The following RSPO3 variants were observed in gnomAD, a reference collection of about 807,000 sequenced individuals.
The protein encoded by RSPO3 is R-spondin 3.
RSPO3 carries 17 observed loss-of-function variants against 36.5 expected under a neutral mutation model. That is an observed-to-expected ratio of 0.47 (90% CI 0.32 to 0.70). RSPO3 has a LOEUF of 0.70. Among genes scored for constraint, RSPO3 ranks in the 30% least tolerant of loss-of-function variants. RSPO3 has a pLI of 0.04. For synonymous variants in RSPO3, 108 were observed against 107.0 expected, an observed-to-expected ratio of 1.01 and a Z score of -0.06; for missense variants, 294 against 322.5, an observed-to-expected ratio of 0.91 and a Z score of 0.68.
At position 127,147,972 on chromosome 6, in the gene RSPO3, T is replaced by A. The variant is rs533860583; in HGVS notation, c.98-676T>A. Among the ~76,000 whole-genome samples, 15 of 152,298 alleles carry A rather than the reference T, an allele frequency of 9.8e-5. 1 individual carries two copies. Among genetic ancestry groups the A allele is most frequent in the Admixed American group, 5.9e-4 (9 of 15,280 alleles). On this transcript the variant is annotated intron_variant, in intron 1 of 4. Transcript: ENST00000356698. ...TTTTCACCATTATATCTATTTGAAC[T>A]GGCAATTATTAAGCTCGTGTGAGAA...
chr6:127,120,159 G>A (rs1356899706), intron 1 of RSPO3, among the ~76,000 whole-genome samples: 1 of 152,198 alleles, frequency 6.6e-6, no homozygotes, highest in African/African-American at 2.4e-5. Flanking sequence ...GTCCTAGCTG[G>A]AATTAAGCGG....
intron 1 of RSPO3, among the ~76,000 whole-genome samples, chr6:127,131,826 G>T (rs964177856): frequency 7.2e-5 from 11 of 152,002 alleles, no homozygotes; most frequent in Non-Finnish European, 1.2e-4. Context: ...AATAAGTTTG[G>T]TGTGTCTCTT....
intron 4 of RSPO3, among the ~76,000 whole-genome samples, chr6:127,164,430 G>A (rs914845854): frequency 1.3e-5 from 2 of 152,084 alleles, no homozygotes; most frequent in African/African-American, 4.8e-5. Context: ...TTTAAGTGAG[G>A]AAGAGTAACC....
intron 1 of RSPO3, among the ~76,000 whole-genome samples, chr6:127,148,355 ATATAT>A (rs1248898172): frequency 1.3e-5 from 2 of 151,234 alleles, no homozygotes; most frequent in African/African-American, 4.8e-5. Flanking sequence ...ATTTAAAAAT[ATATAT>A]TATATGATAA....
At chr6:127,190,089 G>C (rs1453641639) in intron 4 of RSPO3, among the ~76,000 whole-genome samples, 1 of 152,008 alleles carries the variant, frequency 6.6e-6, no homozygotes, top group African/African-American at 2.4e-5. Flanking sequence ...TCATACTATA[G>C]CAATTCCTCT....
intron 4 of RSPO3, among the ~76,000 whole-genome samples, chr6:127,190,424 G>C (rs1020712922): frequency 2.0e-5 from 3 of 151,828 alleles, no homozygotes; most frequent in Non-Finnish European, 4.4e-5. Context: ...GCAAAACTCC[G>C]TCTCAAAAAC....
chr6:127,145,183 C>A (rs1251525758), intron 1 of RSPO3, among the ~76,000 whole-genome samples: 2 of 152,092 alleles, frequency 1.3e-5, no homozygotes, highest in African/African-American at 4.8e-5. Flanking sequence ...ACCTAGAAAC[C>A]CACCTTTTCA....
intron 4 of RSPO3, among the ~76,000 whole-genome samples, chr6:127,163,258 C>T (rs565257216): frequency 1.3e-5 from 2 of 152,254 alleles, no homozygotes; most frequent in South Asian, 4.1e-4. Context: ...TCCCATCTCC[C>T]TAATACAGTC....
chr6:127,191,892 C>T (rs1441407223), intron 4 of RSPO3, among the ~76,000 whole-genome samples: 2 of 152,204 alleles, frequency 1.3e-5, no homozygotes, highest in Non-Finnish European at 1.5e-5. Context: ...GCCCGTATAT[C>T]TTTCCAGCTT....
At chr6:127,132,336 A>T (rs1022169437) in intron 1 of RSPO3, among the ~76,000 whole-genome samples, 5 of 152,308 alleles carry the variant, frequency 3.3e-5, no homozygotes, top group African/African-American at 1.2e-4. Flanking sequence ...TAAAGGAAAA[A>T]GAATCAAGAG....
intron 2 of RSPO3, among the ~76,000 whole-genome samples, chr6:127,149,239 T>C (rs192413191): frequency 2.0e-4 from 30 of 152,236 alleles, no homozygotes; most frequent in African/African-American, 5.8e-4. Context: ...TATTTATCAA[T>C]TGGAAATAAA....
intron 1 of RSPO3, among the ~76,000 whole-genome samples, chr6:127,140,185 A>C (rs1388918664): frequency 6.6e-6 from 1 of 152,212 alleles, no homozygotes; most frequent in East Asian, 1.9e-4. Context: ...ACTCTAAGTT[A>C]TTTAGACTGT....
At chr6:127,138,478 C>G (rs1317854226) in intron 1 of RSPO3, among the ~76,000 whole-genome samples, 1 of 152,084 alleles carries the variant, frequency 6.6e-6, no homozygotes, top group Non-Finnish European at 1.5e-5. Context: ...ATCCTCTTTT[C>G]TAAGAGTTAT....
In RSPO3 at chr6:127,197,703, T is replaced by C; in HGVS notation, c.*1696T>C. ...CAGTTGTACAGTTCATGTAATCTAC[T>C]TGGCTTAATTGATTTTCCACTTCTC... On this transcript the variant is annotated 3_prime_UTR_variant, in exon 5 of 5. Transcript: ENST00000356698. 1.6e-6 allele frequency: 1 copy of C among 620,804 alleles called. No homozygotes were observed. Among genetic ancestry groups the C allele is most frequent in the Non-Finnish European group, 2.6e-6 (1 of 386,786 alleles). The allele number at this position is 620,804 out of a possible 1,614,324, so 38.5% of individuals were successfully genotyped here.
At chr6:127,136,118 C>T (rs1395105673) in intron 1 of RSPO3, among the ~76,000 whole-genome samples, 4 of 152,074 alleles carry the variant, frequency 2.6e-5, no homozygotes, top group Admixed American at 6.6e-5. Flanking sequence ...CTCCTGTAGC[C>T]ATTCTGTAAT....
At chr6:127,132,342 AAG>A (rs1774074739) in intron 1 of RSPO3, among the ~76,000 whole-genome samples, 1 of 152,172 alleles carries the variant, frequency 6.6e-6, no homozygotes, top group South Asian at 2.1e-4. Flanking sequence ...AAAAAGAATC[AAG>A]AGAGGAGTTA....
intron 1 of RSPO3, among the ~76,000 whole-genome samples, chr6:127,142,308 C>T (rs189429090): frequency 5.8e-4 from 89 of 152,296 alleles, no homozygotes; most frequent in Non-Finnish European, 7.3e-5. Context: ...AGCTTTAACA[C>T]ATGAACAAAT....
chr6:127,197,467 A>G lies in RSPO3; in HGVS notation c.*1460A>G. 7.7e-6 allele frequency: 12 copies of G among 1,550,536 alleles called. No individual in the cohort carries two copies. The highest frequency in any genetic ancestry group is 1.0e-5 in the Non-Finnish European group (12 of 1,146,956). ...TAGCTGAAGGCCTCACCAGTGTTTC[A>G]CAGAGGACACAGCCCACCCCTTGCA... On this transcript the variant is annotated 3_prime_UTR_variant, in exon 5 of 5. Coordinates refer to ENST00000356698, the MANE Select transcript of RSPO3 (RefSeq NM_032784.5).
intron 4 of RSPO3, among the ~76,000 whole-genome samples, chr6:127,177,195 AT>A (rs1169185851): frequency 6.6e-6 from 1 of 151,920 alleles, no homozygotes; most frequent in East Asian, 1.9e-4. Context: ...CCAACAAATC[AT>A]CAAAAACTGT....
Sources: allele counts gnomAD v4.1 joint callset (sites outside exome capture counted in the v4.1 genomes callset), GRCh38; gene constraint gnomAD v4.1.1; transcripts MANE v1.5; gene names NCBI Gene and HGNC (gene_info 2026-07-23, HGNC 2026-07-21).